Variants in FAM222B observed in about 807,000 individuals in gnomAD.
The protein encoded by FAM222B is family with sequence similarity 222 member B, also known as protein FAM222B.
In FAM222B, 12 loss-of-function variants were observed where a neutral mutation model predicts 38.0. The observed-to-expected ratio is 0.32, with a 90% CI of 0.20 to 0.51. The LOEUF (loss-of-function observed/expected upper bound fraction) is 0.51. FAM222B is among the 20% of genes least tolerant of loss of function. The pLI, the probability that FAM222B is intolerant of heterozygous loss-of-function variation, is 0.97. For synonymous variants in FAM222B, 329 were observed against 317.2 expected (o/e 1.04, Z -0.40); for missense variants, 716 against 754.2 (o/e 0.95, Z 0.59).
rs199756566 is a variant in FAM222B at position 28,759,246 on chromosome 17, G to C, written c.713C>G (p.Ala238Gly). The change falls in exon 3 of 3, where the codon GCC (alanine) becomes GGC (glycine). Residue 238 changes from alanine (A) to glycine (G), a missense_variant. Transcript: ENST00000581407. The surrounding 1 kb of genome is among the most constrained non-coding windows in gnomAD (Gnocchi z 4.8). ...GGTAGACACGGTCACATTCGGGGGG[G>C]CATCTGAGTCTGGCATCTTCCGGCC... ...HGGRKMPDSD[A>G]PPNVTVSTST... 1 of 1,613,504 alleles carries C rather than the reference G, an allele frequency of 6.2e-7. No homozygotes were observed. The highest frequency in any genetic ancestry group is 8.5e-7 in the Non-Finnish European group (1 of 1,179,778).
chr17:28,772,296 G>A (rs1455322117), intron 1 of FAM222B, among the ~76,000 whole-genome samples: 2 of 152,002 alleles, frequency 1.3e-5, no homozygotes, highest in Non-Finnish European at 2.9e-5. Context: ...AAGAGCCAAC[G>A]TTTGAATGAT....
chr17:28,815,342 T>C (rs1243860128), intron 1 of FAM222B, among the ~76,000 whole-genome samples: 2 of 152,146 alleles, frequency 1.3e-5, no homozygotes, highest in East Asian at 3.9e-4. Flanking sequence ...GCCTCCCAAG[T>C]AGCTGAGACT....
intron 1 of FAM222B, among the ~76,000 whole-genome samples, chr17:28,799,297 CTTT>C (rs35660613): frequency 1.9e-4 from 21 of 110,946 alleles, no homozygotes; most frequent in Non-Finnish European, 2.9e-4. Context: ...CACAGAAAAA[CTTT>C]TTTTTTTTTT....
intron 2 of FAM222B, among the ~76,000 whole-genome samples, chr17:28,760,423 A>G (rs962123846): frequency 1.3e-5 from 2 of 151,990 alleles, no homozygotes; most frequent in Non-Finnish European, 2.9e-5. Flanking sequence ...AAAAATACAA[A>G]AAGTTAGCCA....
At chr17:28,764,730 G>C (rs1021917676) in intron 2 of FAM222B, among the ~76,000 whole-genome samples, 4 of 151,540 alleles carry the variant, frequency 2.6e-5, no homozygotes, top group African/African-American at 9.7e-5. Context: ...CTAGCAACAA[G>C]AGCAAAACTC....
intron 1 of FAM222B, among the ~76,000 whole-genome samples, chr17:28,833,612 CAAAAAAAAAAA>C (rs370065990): frequency 2.7e-5 from 2 of 73,208 alleles, no homozygotes; most frequent in Admixed American, 3.0e-4. Context: ...GACTTTGTCT[CAAAAAAAAAAA>C]AAAAAAAAAG....
chr17:28,787,900 C>G (rs535385634), intron 1 of FAM222B, among the ~76,000 whole-genome samples: 1 of 144,692 alleles, frequency 6.9e-6, no homozygotes, highest in African/African-American at 2.6e-5. Context: ...TCTTGGCTCA[C>G]CGCAACCTCC....
chr17:28,809,771 T>G (rs1202928954), intron 1 of FAM222B, among the ~76,000 whole-genome samples: 1 of 152,044 alleles, frequency 6.6e-6, no homozygotes, highest in Non-Finnish European at 1.5e-5. Context: ...GCCAGGAGTT[T>G]GAGACCAACC....
chr17:28,785,930 G>A (rs1173250081), intron 1 of FAM222B, among the ~76,000 whole-genome samples: 4 of 151,904 alleles, frequency 2.6e-5, no homozygotes, highest in Admixed American at 6.6e-5. Flanking sequence ...GGATGGTCTC[G>A]ATCTCCTCTC....
chr17:28,850,387 C>T (rs1487352889), intron 1 of FAM222B, among the ~76,000 whole-genome samples: 6 of 151,880 alleles, frequency 4.0e-5, no homozygotes, highest in East Asian at 3.9e-4. Context: ...CTGCAAGCCC[C>T]GCTTCCTGGG....
At chr17:28,830,346 G>A (rs1193994547) in intron 1 of FAM222B, among the ~76,000 whole-genome samples, 1 of 151,562 alleles carries the variant, frequency 6.6e-6, no homozygotes, top group Non-Finnish European at 1.5e-5. Context: ...TTTTTTAGTA[G>A]AGAAGCGGTT....
At chr17:28,825,836 C>T (rs186270163) in intron 1 of FAM222B, among the ~76,000 whole-genome samples, 25 of 152,234 alleles carry the variant, frequency 1.6e-4, no homozygotes, top group African/African-American at 5.8e-4. Context: ...AATGCAGTGG[C>T]GCGATCTTGG....
At chr17:28,837,004 G>C (rs1358601394) in intron 1 of FAM222B, among the ~76,000 whole-genome samples, 1 of 152,092 alleles carries the variant, frequency 6.6e-6, no homozygotes, top group Non-Finnish European at 1.5e-5. Flanking sequence ...TGTAATCCCA[G>C]CTACTCAGGA....
rs368673768 is a variant in FAM222B at position 28,850,541 on chromosome 17, G to C, written c.-41+4409C>G. Among the ~76,000 whole-genome samples the C allele has an allele frequency of 9.9e-5, 15 of 152,128 alleles. No individual in the cohort carries two copies. In the East Asian group the frequency reaches 2.7e-3, roughly 27 times the overall value. On this transcript the variant is annotated intron_variant, in intron 1 of 2. Transcript: ENST00000577513. ...TCTCGATCTCCTGACCTTGTGATCC[G>C]CCCACCTCGGCCTCCCGAAGTGCTG...
At chr17:28,839,574 C>T (rs1462951470) in intron 1 of FAM222B, among the ~76,000 whole-genome samples, 1 of 152,070 alleles carries the variant, frequency 6.6e-6, no homozygotes, top group Non-Finnish European at 1.5e-5. Context: ...GCATTACCAA[C>T]ATTAAAAATA....
At position 28,759,633 on chromosome 17, in the gene FAM222B, G is replaced by C. The variant is rs538977003; in HGVS notation, c.326C>G (p.Ala109Gly). The change falls in exon 3 of 3, where the codon GCC (alanine) becomes GGC (glycine). Residue 109 changes from alanine to glycine, a missense_variant. Coordinates refer to ENST00000581407, the MANE Select transcript of FAM222B (RefSeq NM_001077498.3). This position sits in a 1 kb window ranked among gnomAD's most constrained non-coding sequence, Gnocchi z 4.8. ...AGLLAIVKVPAKSILKDFDGT... is the reference protein window; with the variant it reads ...AGLLAIVKVPGKSILKDFDGT... ...GTCAAAGTCCTTGAGTATGCTTTTG[G>C]CTGGCACTTTGACAATGGCAAGCAG... is the stretch of plus-strand genomic sequence containing the variant. 3.1e-5 allele frequency: 50 copies of C among 1,613,030 alleles called. No homozygotes were observed. In the African/African-American group the frequency reaches 5.2e-4, roughly 17 times the overall value.
chr17:28,841,165 G>A (rs1380647830), intron 1 of FAM222B, among the ~76,000 whole-genome samples: 1 of 150,388 alleles, frequency 6.6e-6, no homozygotes, highest in Non-Finnish European at 1.5e-5. Flanking sequence ...CGTGGTGGTG[G>A]GCATTTGTAA....
chr17:28,789,010 C>T (rs2036540849), intron 1 of FAM222B, among the ~76,000 whole-genome samples: 1 of 143,276 alleles, frequency 7.0e-6, no homozygotes, highest in Non-Finnish European at 1.5e-5. Context: ...CTCGGCCTCC[C>T]AAAGTGCTGG....
exon 1 of FAM222B, chr17:28,854,992 T>C (rs768626315): frequency 8.5e-6 from 13 of 1,524,516 alleles, no homozygotes; most frequent in South Asian, 6.5e-5. Context: ...TGTTCAATCG[T>C]AGGAGCGCTC....
Sources: gnomAD v4.1 joint callset for allele counts (sites outside exome capture counted in the v4.1 genomes callset) on GRCh38, gnomAD v4.1.1 for gene constraint, Gnocchi (gnomAD v3.1) non-coding constraint, MANE v1.5 for transcripts, NCBI Gene and HGNC (gene_info 2026-07-23, HGNC 2026-07-21) for gene names.